The following UACA variants were observed in gnomAD, a reference collection of about 807,000 sequenced individuals.
UACA encodes the protein nuclear membrane binding protein.
Under a neutral mutation model 160.5 loss-of-function variants are expected in UACA, and 112 were observed. The observed-to-expected ratio is 0.70, with a 90% CI of 0.60 to 0.82. The LOEUF is 0.82. UACA is among the 40% of genes least tolerant of loss of function. The pLI is 0.00. For synonymous variants in UACA, 557 were observed against 568.4 expected (o/e 0.98, Z 0.29); for missense variants, 1,574 against 1,614.6 (o/e 0.97, Z 0.43).
At chr15:70,758,435 T>C (rs999527409) in intron 1 of UACA, 2 of 152,168 alleles carry the variant, frequency 1.3e-5, no homozygotes, top group African/African-American at 2.4e-5. Context: ...TTAAGTATCA[T>C]GAGTTTAAAC....
Position 70,679,588 on chromosome 15 carries a change from C to T in UACA, c.891+20G>A, listed in dbSNP as rs1466892007. 2 of 1,527,546 alleles carry T rather than the reference C, an allele frequency of 1.3e-6. No homozygotes were observed. Among genetic ancestry groups the T allele is most frequent in the East Asian group, 4.8e-5 (2 of 41,606 alleles). The allele number at this position is 1,527,546 out of a possible 1,614,324, so 94.6% of individuals were successfully genotyped here. ...TGGAATTGTTTTTAAAGGAAGACAC[C>T]ATTATTTTTTTCTTTTTACCTGAAT... is the stretch of plus-strand genomic sequence containing the variant. On this transcript the variant is annotated intron_variant, in intron 10 of 18. Transcript: ENST00000322954.
At chr15:70,718,868 C>A (rs1280836883) in intron 1 of UACA, among the ~76,000 whole-genome samples, 3 of 151,968 alleles carry the variant, frequency 2.0e-5, no homozygotes, top group African/African-American at 7.3e-5. Context: ...AAAATAGCAA[C>A]CCACATAAAG....
In UACA at chr15:70,668,544, T is replaced by C. The variant is rs1897018644; in HGVS notation, c.2140A>G (p.Thr714Ala). The part of the protein sequence containing the change: ...KITELTLKNQ[T>A]LQKEIEKVYL... The stretch of plus-strand genomic sequence containing the variant: ...ACTTTTTCAATTTCCTTTTGTAGTG[T>C]CTGATTTTTCAATGTTAACTCAGTG... Residue 714 changes from threonine (T) to alanine (A), a missense_variant, in exon 16 of 19, where the codon ACA (threonine) becomes GCA (alanine). Thr to Ala is a moderately conservative substitution (Grantham distance 58). Transcript: ENST00000322954. 3.1e-6 allele frequency: 5 copies of C among 1,611,926 alleles called. No individual in the cohort carries two copies. The South Asian group carries it at 4.4e-5, about 14-fold the overall frequency.
intron 3 of UACA, among the ~76,000 whole-genome samples, chr15:70,692,302 T>C (rs376355261): frequency 2.6e-5 from 4 of 152,064 alleles, no homozygotes; most frequent in South Asian, 4.1e-4. Context: ...ACAGGGACTA[T>C]AGGCTCGTGC....
chr15:70,776,708 C>T, the UACA span, among the ~76,000 whole-genome samples: 6 of 152,074 alleles, frequency 3.9e-5, no homozygotes, highest in Non-Finnish European at 8.8e-5. Context: ...GGATAACAGG[C>T]GCGAGCCACC....
At chr15:70,703,595 T>G (rs553999156) in intron 1 of UACA, among the ~76,000 whole-genome samples, 1 of 152,300 alleles carries the variant, frequency 6.6e-6, no homozygotes, top group Non-Finnish European at 1.5e-5. Flanking sequence ...GACCTTGTCC[T>G]TTGGGTAACA....
At chr15:70,767,768 C>T (rs999496223), upstream of UACA, among the ~76,000 whole-genome samples, 1 of 152,102 alleles carries the variant, frequency 6.6e-6, no homozygotes, top group African/African-American at 2.4e-5. Context: ...GTGAACAAAG[C>T]CAGTGAATAA....
At chr15:70,685,154 C>T (rs538852177) in intron 7 of UACA, among the ~76,000 whole-genome samples, 7 of 152,246 alleles carry the variant, frequency 4.6e-5, no homozygotes, top group East Asian at 1.9e-4. Context: ...CTACAACTAA[C>T]GCCATGCAAC....
rs1446166632 is a variant in UACA at position 70,656,368 on chromosome 15, T to A, written c.*688A>T. ...TAGTCACCGCAAGTAAAAATTAAGATACTGTTGTAGAGATTAAGGCAATTT... is the reference window on the plus strand; with the variant it reads ...TAGTCACCGCAAGTAAAAATTAAGAAACTGTTGTAGAGATTAAGGCAATTT... On this transcript the variant is annotated 3_prime_UTR_variant, in exon 19 of 19. Coordinates refer to ENST00000322954, the MANE Select transcript of UACA (RefSeq NM_018003.4). 4 of 152,318 alleles carry A rather than the reference T, an allele frequency of 2.6e-5. No individual in the cohort carries two copies. Among genetic ancestry groups the A allele is most frequent in the Non-Finnish European group, 2.9e-5 (2 of 68,028 alleles). The allele number at this position is 152,318 out of a possible 1,614,324, so 9.4% of individuals were successfully genotyped here.
At chr15:70,702,125 C>T in intron 1 of UACA, 1 of 1,311,974 alleles carries the variant, frequency 7.6e-7, no homozygotes, top group South Asian at 2.2e-5. Flanking sequence ...TATTATCTTC[C>T]TTGCAATGCA....
At chr15:70,742,158 C>T (rs11855915) in intron 1 of UACA, among the ~76,000 whole-genome samples, 28,512 of 152,106 alleles carry the variant, frequency 0.19, 4,240 homozygotes, top group African/African-American at 0.42. Flanking sequence ...CCCTGCAATA[C>T]GGTTCTTTCA....
chr15:70,665,084 C>T (rs1896857326), intron 16 of UACA: 1 of 248,906 alleles, frequency 4.0e-6, no homozygotes, highest in Non-Finnish European at 7.6e-6. Context: ...CATAGTCTTA[C>T]TTTTAGCTAA....
At chr15:70,752,191 T>C (rs907681868) in intron 1 of UACA, among the ~76,000 whole-genome samples, 6 of 134,352 alleles carry the variant, frequency 4.5e-5, no homozygotes, top group Non-Finnish European at 6.1e-5. Flanking sequence ...CGAGCCAAGA[T>C]CACGCCATTG....
At chr15:70,748,749 T>C (rs924168444) in intron 1 of UACA, among the ~76,000 whole-genome samples, 9 of 152,212 alleles carry the variant, frequency 5.9e-5, no homozygotes, top group East Asian at 5.8e-4. Context: ...CTGTCCTGCA[T>C]ACAGTTTCCT....
intron 2 of UACA, 108 bp downstream of exon 2, chr15:70,699,419 C>A (rs749509187): frequency 3.1e-5 from 41 of 1,313,336 alleles, no homozygotes; most frequent in Non-Finnish European, 4.1e-5. Context: ...CAGGTTTTGG[C>A]AGAATTTCTT....
chr15:70,740,954 G>A (rs918549886), intron 1 of UACA, among the ~76,000 whole-genome samples: 1 of 151,842 alleles, frequency 6.6e-6, no homozygotes, highest in East Asian at 1.9e-4. Flanking sequence ...CAGGAGAATC[G>A]CTTGAACCTG....
At chr15:70,664,850 A>C in intron 16 of UACA, 36 bp from the exon 17 acceptor site, 1 of 1,572,448 alleles carries the variant, frequency 6.4e-7, no homozygotes, top group Non-Finnish European at 8.7e-7. Context: ...TATATTATTC[A>C]CTTATCATGT....
chr15:70,739,847 T>C (rs570307554), intron 1 of UACA, among the ~76,000 whole-genome samples: 1 of 152,332 alleles, frequency 6.6e-6, no homozygotes, highest in South Asian at 2.1e-4. Context: ...TATAAAATTC[T>C]GTCTTACAAC....
the UACA span, among the ~76,000 whole-genome samples, chr15:70,768,930 G>A: frequency 6.6e-6 from 1 of 152,106 alleles, no homozygotes; most frequent in Non-Finnish European, 1.5e-5. Context: ...ATTCTGGCAA[G>A]GTGTTCGATA....
Sources: gnomAD v4.1 joint callset for allele counts (sites outside exome capture counted in the v4.1 genomes callset) on GRCh38, gnomAD v4.1.1 for gene constraint, MANE v1.5 for transcripts, NCBI Gene and HGNC (gene_info 2026-07-23, HGNC 2026-07-21) for gene names.